Variants in ASAP2 observed in about 807,000 individuals in gnomAD.
ASAP2 encodes arf-GAP with SH3 domain, ANK repeat and PH domain-containing protein 2.
Under a neutral mutation model 131.4 loss-of-function variants are expected in ASAP2, and 45 were observed. The ratio of observed to expected loss-of-function variants is 0.34; its 90% confidence interval spans 0.27 to 0.44. The LOEUF (loss-of-function observed/expected upper bound fraction) is 0.44. Ranked by LOEUF, ASAP2 falls within the 20% of genes least tolerant of loss-of-function variation. ASAP2 has a pLI of 1.00. For synonymous variants in ASAP2, 510 were observed against 503.0 expected (o/e 1.01, Z -0.19); for missense variants, 1,011 against 1,297.0 (o/e 0.78, Z 3.39).
At chr2:9,385,396 A>G in intron 21 of ASAP2, 38 bp downstream of exon 21, 1 of 1,485,886 alleles carries the variant, frequency 6.7e-7, no homozygotes, top group African/African-American at 1.4e-5. Flanking sequence ...AGTTTTGATC[A>G]GCTTCATCCA....
At chr2:9,289,669 A>T (rs1029632640) in intron 2 of ASAP2, among the ~76,000 whole-genome samples, 13 of 152,184 alleles carry the variant, frequency 8.5e-5, no homozygotes, top group African/African-American at 2.7e-4. Context: ...TTATTCACAC[A>T]GACTTTGAAC....
At chr2:9,252,241 TGA>T (rs1400266216) in intron 1 of ASAP2, among the ~76,000 whole-genome samples, 2 of 152,148 alleles carry the variant, frequency 1.3e-5, no homozygotes, top group Non-Finnish European at 2.9e-5. Context: ...AGATGACAAC[TGA>T]GAGTAATTGA....
intron 6 of ASAP2, among the ~76,000 whole-genome samples, chr2:9,323,632 A>G (rs1558331414): frequency 6.6e-6 from 1 of 152,192 alleles, no homozygotes; most frequent in Non-Finnish European, 1.5e-5. Flanking sequence ...TGAAAACAAC[A>G]TACAGCGATG....
intron 7 of ASAP2, among the ~76,000 whole-genome samples, chr2:9,329,326 A>G (rs908597628): frequency 2.0e-5 from 3 of 152,234 alleles, no homozygotes; most frequent in Non-Finnish European, 4.4e-5. Context: ...AAATTGAAGC[A>G]GAGGACCATT....
At chr2:9,265,853 A>G (rs1665899128) in intron 1 of ASAP2, among the ~76,000 whole-genome samples, 1 of 151,864 alleles carries the variant, frequency 6.6e-6, no homozygotes, top group Non-Finnish European at 1.5e-5. Context: ...ACTCACTGCA[A>G]CCTCCACCTC....
At chr2:9,357,847 C>T (rs1379447780) in intron 14 of ASAP2, among the ~76,000 whole-genome samples, 4 of 152,078 alleles carry the variant, frequency 2.6e-5, no homozygotes, top group Non-Finnish European at 4.4e-5. Flanking sequence ...ACTAAAGTTG[C>T]GATATTTACC....
intron 1 of ASAP2, among the ~76,000 whole-genome samples, chr2:9,241,662 T>C (rs1375583454): frequency 6.6e-6 from 1 of 152,188 alleles, no homozygotes; most frequent in Non-Finnish European, 1.5e-5. Flanking sequence ...AAAAAACTAA[T>C]TGCTTTAAGT....
At chr2:9,294,952 T>C (rs1668062867) in intron 2 of ASAP2, among the ~76,000 whole-genome samples, 1 of 152,234 alleles carries the variant, frequency 6.6e-6, no homozygotes, top group African/African-American at 2.4e-5. Flanking sequence ...GATGCCTGCC[T>C]GTGGCCACCA....
Position 9,405,430 on chromosome 2 carries a change from G to C in ASAP2, c.*2103G>C, listed in dbSNP as rs1048035808. 5.2e-5 allele frequency: 8 copies of C among 152,598 alleles called. No individual in the cohort carries two copies. Among genetic ancestry groups the C allele is most frequent in the Non-Finnish European group, 8.8e-5 (6 of 68,042 alleles). The allele number at this position is 152,598 out of a possible 1,614,324, so 9.5% of individuals were successfully genotyped here. On this transcript the variant is annotated 3_prime_UTR_variant, in exon 28 of 28. Transcript: ENST00000281419. ...CTCAGAACATGTACACAGACTAAGA[G>C]TAACTGTGTGATCTGTTAAGGGGTG...
At chr2:9,237,365 G>A (rs913614405) in intron 1 of ASAP2, among the ~76,000 whole-genome samples, 3 of 150,070 alleles carry the variant, frequency 2.0e-5, no homozygotes, top group Admixed American at 6.6e-5. Context: ...GATTAAGATG[G>A]TTCTGCCTAT....
intron 9 of ASAP2, among the ~76,000 whole-genome samples, chr2:9,336,351 G>A (rs1671201844): frequency 6.9e-6 from 1 of 144,386 alleles, no homozygotes; most frequent in Admixed American, 6.9e-5. Context: ...TCCCTCTGAA[G>A]CCCCACCTCT....
In ASAP2 at chr2:9,383,819, A is replaced by G. The variant is rs77712790; in HGVS notation, c.2017-1426A>G. On this transcript the variant is annotated intron_variant, in intron 20 of 27. Coordinates refer to ENST00000281419, the MANE Select transcript of ASAP2 (RefSeq NM_003887.3). ...AAAATGTGGCACATATACACCGTGC[A>G]ATACTGTGCAGCCATAAAAAAGGAT... Among the ~76,000 whole-genome samples, 495 of 152,122 alleles carry G rather than the reference A, an allele frequency of 3.3e-3. 29 individuals carry two copies. The East Asian group carries it at 0.086, about 26-fold the overall frequency.
chr2:9,344,843 G>T (rs781608259), intron 11 of ASAP2, 43 bp downstream of exon 11: 4 of 1,570,980 alleles, frequency 2.5e-6, no homozygotes, highest in Non-Finnish European at 3.5e-6. Flanking sequence ...TGTATTAGGT[G>T]AGGTTGGTGT....
chr2:9,232,938 C>T lies in ASAP2; in HGVS notation c.126+25708C>T, dbSNP rs1001789643. ...CTGGAAGAAGGAATTCCACGTTAGACGTGTTCCCAGCTGCAGTTTTGTTCT... is the reference window on the plus strand; with the variant it reads ...CTGGAAGAAGGAATTCCACGTTAGATGTGTTCCCAGCTGCAGTTTTGTTCT... On this transcript the variant is annotated intron_variant, in intron 1 of 27. Transcript: ENST00000281419. The surrounding 1 kb of genome is among the most constrained non-coding windows in gnomAD (Gnocchi z 4.1). 2.0e-5 allele frequency among the ~76,000 whole-genome samples: 3 copies of T among 152,216 alleles called. No individual in the cohort carries two copies. Among genetic ancestry groups the T allele is most frequent in the East Asian group, 1.9e-4 (1 of 5,196 alleles).
chr2:9,294,248 C>G (rs1331090368), intron 2 of ASAP2, among the ~76,000 whole-genome samples: 1 of 152,106 alleles, frequency 6.6e-6, no homozygotes, highest in East Asian at 1.9e-4. Context: ...ATGCACCTGT[C>G]TCGGCCTCCC....
chr2:9,303,845 T>C lies in ASAP2; in HGVS notation c.345+6400T>C, dbSNP rs531326438. 1.3e-3 allele frequency among the ~76,000 whole-genome samples: 196 copies of C among 152,292 alleles called. 1 individual carries two copies. Among genetic ancestry groups the C allele is most frequent in the Admixed American group, 2.6e-3 (40 of 15,300 alleles). ...GAATGCTGTGATACGGTAACCCCCA[T>C]ACAGAGAAAGTGGGAGAAGCCATAT... is the stretch of plus-strand genomic sequence containing the variant. On this transcript the variant is annotated intron_variant, in intron 3 of 27. Transcript: ENST00000281419.
At chr2:9,280,642 G>C (rs1175029237) in intron 2 of ASAP2, among the ~76,000 whole-genome samples, 1 of 152,220 alleles carries the variant, frequency 6.6e-6, no homozygotes, top group Admixed American at 6.5e-5. Context: ...ACCACTGTTA[G>C]TGTCAGGCCT....
chr2:9,320,900 G>A (rs897382208), intron 5 of ASAP2, among the ~76,000 whole-genome samples: 3 of 152,288 alleles, frequency 2.0e-5, no homozygotes, highest in Admixed American at 2.0e-4. Flanking sequence ...TTCCTGACCC[G>A]AAGTCAACCA....
chr2:9,291,464 A>G (rs929973500), intron 2 of ASAP2, among the ~76,000 whole-genome samples: 3 of 152,192 alleles, frequency 2.0e-5, no homozygotes, highest in Non-Finnish European at 4.4e-5. Flanking sequence ...TGAGGTCGGA[A>G]ACAGGTGGCA....
Sources: allele counts gnomAD v4.1 joint callset (sites outside exome capture counted in the v4.1 genomes callset), GRCh38; gene constraint gnomAD v4.1.1; non-coding constraint Gnocchi (gnomAD v3.1); transcripts MANE v1.5; gene names NCBI Gene and HGNC (gene_info 2026-07-23, HGNC 2026-07-21).